MYO9A: variants seen among roughly 807,000 people sequenced by gnomAD.
MYO9A encodes myosin IXA, also known as unconventional myosin-IXa.
In MYO9A, 103 loss-of-function variants were observed where a neutral mutation model predicts 293.3. The observed-to-expected ratio is 0.35, with a 90% CI of 0.30 to 0.41. The LOEUF (loss-of-function observed/expected upper bound fraction) is 0.41, where lower values mean the gene tolerates loss of function less well. Ranked by LOEUF, MYO9A falls within the 10% of genes least tolerant of loss-of-function variation. The pLI, the probability that MYO9A is intolerant of heterozygous loss-of-function variation, is 1.00. For missense variants in MYO9A, 2,685 were observed against 3,033.0 expected, an observed-to-expected ratio of 0.89 and a Z score of 2.69; for synonymous variants, 1,001 against 1,035.7, an observed-to-expected ratio of 0.97 and a Z score of 0.64.
chr15:71,850,525 G>A (rs1328406635), intron 37 of MYO9A, among the ~76,000 whole-genome samples: 1 of 152,056 alleles, frequency 6.6e-6, no homozygotes. Flanking sequence ...AGCACTTTGG[G>A]AGGCCAATGT....
Position 72,023,712 on chromosome 15 carries a change from AAG to A in MYO9A, c.999-2697_999-2696del, listed in dbSNP as rs1555407189. On this transcript the variant is annotated intron_variant, in intron 4 of 41. Transcript: ENST00000356056. Reference sequence around the variant, plus strand: ...CTCTGTCTCAAAAAAAAAAAAAAAAAAGAAAAGAAAAAAAGGCTCCTATACTG... The same window carrying A: ...CTCTGTCTCAAAAAAAAAAAAAAAAAAAAAGAAAAAAAGGCTCCTATACTG... Among the ~76,000 whole-genome samples the A allele has an allele frequency of 9.8e-3, 1,473 of 150,260 alleles. 7 individuals carry two copies. The highest frequency in any genetic ancestry group is 0.015 in the East Asian group (78 of 5,126).
intron 1 of MYO9A, among the ~76,000 whole-genome samples, chr15:72,049,582 G>A (rs752905050): frequency 1.4e-4 from 21 of 152,340 alleles, no homozygotes; most frequent in Non-Finnish European, 3.1e-4. Flanking sequence ...GGGCCGCACA[G>A]CAGAAGATGA....
chr15:71,951,424 T>C (rs918052385), intron 15 of MYO9A, among the ~76,000 whole-genome samples: 1 of 147,672 alleles, frequency 6.8e-6, no homozygotes, highest in African/African-American at 2.5e-5. Context: ...TAGACCTCAA[T>C]AAAGTTTTTT....
At chr15:71,901,843 G>A (rs1461526362) in intron 22 of MYO9A, among the ~76,000 whole-genome samples, 1 of 151,982 alleles carries the variant, frequency 6.6e-6, no homozygotes, top group East Asian at 1.9e-4. Context: ...GTTGGGATGG[G>A]GAAAAAAGTT....
chr15:72,031,725 AAT>A (rs1413658420), intron 3 of MYO9A, among the ~76,000 whole-genome samples: 2 of 151,852 alleles, frequency 1.3e-5, no homozygotes, highest in African/African-American at 4.8e-5. Context: ...TGCTCTAAAA[AAT>A]AGTCTATTTA....
chr15:71,822,822 A>G lies in MYO9A; in HGVS notation c.*3758T>C, dbSNP rs1191595242. ...TTTTGAAAATAGTTTCAACCAGGGG[A>G]CCAACATGAGACCTAATAGATCCAT... On this transcript the variant is annotated 3_prime_UTR_variant, in exon 42 of 42. Coordinates refer to ENST00000356056, the MANE Select transcript of MYO9A (RefSeq NM_006901.4). 1 of 152,116 alleles carries G rather than the reference A, an allele frequency of 6.6e-6. No individual in the cohort carries two copies. Among genetic ancestry groups the G allele is most frequent in the East Asian group, 1.9e-4 (1 of 5,190 alleles). 9.4% of individuals were successfully genotyped at this position (152,116 alleles called of 1,614,324 possible).
chr15:71,885,831 T>C (rs1331509720), intron 27 of MYO9A, among the ~76,000 whole-genome samples: 2 of 152,154 alleles, frequency 1.3e-5, no homozygotes, highest in African/African-American at 2.4e-5. Flanking sequence ...TTGGATCTCC[T>C]GAATGGAGCC....
intron 27 of MYO9A, among the ~76,000 whole-genome samples, chr15:71,884,999 TC>T (rs1228957299): frequency 2.7e-5 from 4 of 150,152 alleles, no homozygotes; most frequent in Non-Finnish European, 5.9e-5. Flanking sequence ...ATTACTAAAC[TC>T]ATATATTTAT....
At chr15:72,016,301 T>C (rs2077336906) in intron 6 of MYO9A, among the ~76,000 whole-genome samples, 1 of 151,916 alleles carries the variant, frequency 6.6e-6, no homozygotes, top group African/African-American at 2.4e-5. Context: ...ATCTTATAAA[T>C]AACAGGGCTG....
intron 1 of MYO9A, among the ~76,000 whole-genome samples, chr15:72,112,232 A>T (rs34189331): frequency 0.23 from 35,119 of 152,152 alleles, 4,295 homozygotes; most frequent in East Asian, 0.44. Flanking sequence ...AATAAATAAA[A>T]AAAACACACA....
chr15:71,822,730 C>T lies in MYO9A; in HGVS notation c.*3850G>A, dbSNP rs776309559. ...AAAAGGTGCAACTTTTATATGACCT[C>T]AGAGGGCTGATAAATAGGCATTAAG... On this transcript the variant is annotated 3_prime_UTR_variant, in exon 42 of 42. Transcript: ENST00000356056. The T allele has an allele frequency of 6.6e-6, 1 of 152,156 alleles. No homozygotes were observed. 9.4% of individuals were successfully genotyped at this position (152,156 alleles called of 1,614,324 possible). A position where few individuals can be genotyped will look rare whatever the true frequency, so the allele number is the denominator to read the frequency against.
chr15:71,899,862 C>T lies in MYO9A; in HGVS notation c.3295G>A (p.Ala1099Thr). 1 of 1,614,126 alleles carries T rather than the reference C, an allele frequency of 6.2e-7. No homozygotes were observed. Among genetic ancestry groups the T allele is most frequent in the Middle Eastern group, 1.7e-4 (1 of 6,060 alleles). Residue 1099 changes from alanine to threonine, a missense_variant, in exon 24 of 42, where the codon GCT becomes ACT. Ala to Thr is a moderately conservative substitution (Grantham distance 58). This residue lies in a region of MYO9A where 1,434 missense variants were observed against 1,497.7 expected (regional missense o/e 0.96). Coordinates refer to ENST00000356056, the MANE Select transcript of MYO9A (RefSeq NM_006901.4). Reference protein sequence around the residue: ...LERQRYLELRAAAIVIQQKWR... With the variant: ...LERQRYLELRTAAIVIQQKWR... ...TTCTGCTGGATAACGATGGCTGCAG[C>T]CCGTAACTCCAAGTACCGCTGCCTC...
intron 31 of MYO9A, among the ~76,000 whole-genome samples, chr15:71,877,432 T>C (rs1373547322): frequency 1.3e-5 from 2 of 152,156 alleles, no homozygotes; most frequent in Non-Finnish European, 2.9e-5. Flanking sequence ...TCTTTAACTA[T>C]AATTTTTCAA....
intron 17 of MYO9A, among the ~76,000 whole-genome samples, chr15:71,934,037 ATTTCT>A (rs1490070937): frequency 1.3e-5 from 2 of 152,136 alleles, no homozygotes; most frequent in Non-Finnish European, 2.9e-5. Context: ...CAGAAGACTT[ATTTCT>A]ATCATATCAA....
In MYO9A at chr15:71,854,429, T is replaced by G. The variant is rs764641644; in HGVS notation, c.6294A>C (p.Arg2098=). Residue 2098 remains arginine, a synonymous_variant, in exon 35 of 42, where the codon CGA becomes CGC. Coordinates refer to ENST00000356056, the MANE Select transcript of MYO9A (RefSeq NM_006901.4). ...MHGLYTEGIY[R]KSGSTNKIKE... ...TGATTTTATTAGTCGAACCAGACTT[T>G]CGATAAATACCTTCTGTATACAGTC... 45 of 1,608,770 alleles carry G rather than the reference T, an allele frequency of 2.8e-5. No homozygotes were observed. In the East Asian group the frequency reaches 9.6e-4, roughly 34 times the overall value.
intron 12 of MYO9A, among the ~76,000 whole-genome samples, chr15:71,971,814 T>C (rs1327205128): frequency 6.6e-6 from 1 of 150,686 alleles, no homozygotes; most frequent in Non-Finnish European, 1.5e-5. Flanking sequence ...TTTATTTTTA[T>C]ATATATAGGT....
intron 19 of MYO9A, among the ~76,000 whole-genome samples, chr15:71,907,362 G>T (rs975802970): frequency 3.5e-5 from 5 of 143,144 alleles, no homozygotes; most frequent in African/African-American, 1.3e-4. Context: ...ATTTGGGTTG[G>T]TTCCAAGTCT....
At chr15:71,943,951 C>T (rs574936735) in intron 15 of MYO9A, among the ~76,000 whole-genome samples, 3 of 152,032 alleles carry the variant, frequency 2.0e-5, no homozygotes, top group African/African-American at 4.8e-5. Flanking sequence ...AAACTGTTTT[C>T]GGAAATAACT....
intron 1 of MYO9A, among the ~76,000 whole-genome samples, chr15:72,101,688 T>TG (rs71152876): frequency 3.1e-3 from 109 of 34,732 alleles, no homozygotes; most frequent in South Asian, 8.1e-3. Context: ...GGGAGGGAGG[T>TG]GGGGGGGGTC....
Sources: allele counts gnomAD v4.1 joint callset (sites outside exome capture counted in the v4.1 genomes callset), GRCh38; gene constraint gnomAD v4.1.1; regional missense constraint gnomAD v4.1.1; transcripts MANE v1.5; gene names NCBI Gene and HGNC (gene_info 2026-07-23, HGNC 2026-07-21).